Variants in RBFOX2 observed in about 807,000 individuals in gnomAD.
RBFOX2 encodes the protein RNA binding fox-1 homolog 2.
RBFOX2 carries 10 observed loss-of-function variants against 49.1 expected under a neutral mutation model. The observed-to-expected ratio is 0.20, with a 90% CI of 0.13 to 0.35. The LOEUF is 0.35. RBFOX2 is among the 10% of genes least tolerant of loss of function. The pLI is 1.00. For missense variants in RBFOX2, 323 were observed against 486.9 expected (o/e 0.66, Z 3.17); for synonymous variants, 183 against 187.4 (o/e 0.98, Z 0.19).
At chr22:35,974,013 G>A (rs1051698978) in intron 1 of RBFOX2, among the ~76,000 whole-genome samples, 1 of 152,182 alleles carries the variant, frequency 6.6e-6, no homozygotes, top group Non-Finnish European at 1.5e-5. Flanking sequence ...CTCCTGGAAC[G>A]TGGAAAGCTG....
chr22:35,966,692 C>T (rs1209025739), intron 1 of RBFOX2, among the ~76,000 whole-genome samples: 1 of 152,122 alleles, frequency 6.6e-6, no homozygotes, highest in Non-Finnish European at 1.5e-5. Context: ...ATTAAAAGAA[C>T]TTCTTTTATA....
Position 35,767,590 on chromosome 22 carries a change from A to T in RBFOX2, c.546+667T>A, listed in dbSNP as rs542025771. On this transcript the variant is annotated intron_variant, in intron 5 of 11. Transcript: ENST00000405409. The stretch of plus-strand genomic sequence containing the variant: ...GTGTTATCAAAAAGGGCTGGTGAAT[A>T]CCAGGCGGTAGACTTGGTCATAATC... Among the ~76,000 whole-genome samples, 489 of 152,354 alleles carry T rather than the reference A, an allele frequency of 3.2e-3. 3 individuals are homozygous for T. The highest frequency in any genetic ancestry group is 9.0e-3 in the African/African-American group (376 of 41,576).
chr22:35,863,457 A>C (rs1050252450), intron 1 of RBFOX2, among the ~76,000 whole-genome samples: 4 of 152,144 alleles, frequency 2.6e-5, no homozygotes, highest in African/African-American at 7.2e-5. Flanking sequence ...ATAAAAAGCT[A>C]ATCCAAAAAG....
At chr22:35,958,980 G>A (rs1266732943) in intron 1 of RBFOX2, among the ~76,000 whole-genome samples, 2 of 143,084 alleles carry the variant, frequency 1.4e-5, no homozygotes, top group African/African-American at 5.2e-5. Flanking sequence ...TATATATTGT[G>A]TAAAGCTTAG....
At chr22:35,862,900 G>T (rs879867377) in intron 1 of RBFOX2, among the ~76,000 whole-genome samples, 3 of 152,168 alleles carry the variant, frequency 2.0e-5, no homozygotes, top group Non-Finnish European at 4.4e-5. Context: ...TTAAATTATA[G>T]TTGATGTTAT....
intron 1 of RBFOX2, among the ~76,000 whole-genome samples, chr22:35,907,217 G>GCTT (rs1328759907): frequency 6.6e-6 from 1 of 152,110 alleles, no homozygotes; most frequent in Admixed American, 6.5e-5. Flanking sequence ...TACTGTACAC[G>GCTT]CTTCCCCAGA....
chr22:35,792,315 CAAAAAAAA>C, intron 2 of RBFOX2, among the ~76,000 whole-genome samples: 1 of 36,418 alleles, frequency 2.7e-5, no homozygotes, highest in Non-Finnish European at 5.5e-5. Flanking sequence ...AACTCCGTCT[CAAAAAAAA>C]AAAAAAAAAA....
rs572118413 is a variant in RBFOX2, at chr22:35,804,104, C to A, written c.252+5676G>T. On this transcript the variant is annotated intron_variant, in intron 2 of 11. Transcript: ENST00000405409. Reference sequence around the variant, plus strand: ...ACCAGCCTGGCCAACATGGTGAAACCCCATCTCTACTAAAAATACAAAAAT... The same window carrying A: ...ACCAGCCTGGCCAACATGGTGAAACACCATCTCTACTAAAAATACAAAAAT... 3.3e-5 allele frequency among the ~76,000 whole-genome samples: 5 copies of A among 152,156 alleles called. No individual in the cohort carries two copies. In the South Asian group the frequency reaches 1.0e-3, roughly 32 times the overall value.
At chr22:35,968,942 T>G (rs2056718895) in intron 1 of RBFOX2, among the ~76,000 whole-genome samples, 1 of 152,202 alleles carries the variant, frequency 6.6e-6, no homozygotes. Context: ...CGGCAATCTA[T>G]CCCTACATTC....
At chr22:35,879,873 A>T (rs1304827875) in intron 1 of RBFOX2, among the ~76,000 whole-genome samples, 1 of 152,160 alleles carries the variant, frequency 6.6e-6, no homozygotes, top group African/African-American at 2.4e-5. Flanking sequence ...CAGAGCTAGT[A>T]GGATGGGCAC....
At chr22:35,792,706 C>G (rs1461811450) in intron 2 of RBFOX2, among the ~76,000 whole-genome samples, 1 of 152,180 alleles carries the variant, frequency 6.6e-6, no homozygotes, top group East Asian at 1.9e-4. Context: ...ACAGAAGGAG[C>G]TGAGAGCTGA....
rs117661124 is a variant in RBFOX2 at position 35,755,554 on chromosome 22, C to A, written c.887+4334G>T. The stretch of plus-strand genomic sequence containing the variant: ...ATTACTACACACTCTTTGCTGGCAT[C>A]GGTTCCTTATTTGGCTATCACAAGG... On this transcript the variant is annotated intron_variant, in intron 9 of 11. Transcript: ENST00000405409. Among the ~76,000 whole-genome samples the A allele has an allele frequency of 1.3e-3, 197 of 152,192 alleles. 4 individuals are homozygous for A. In the East Asian group the frequency reaches 0.032, roughly 25 times the overall value.
At position 35,961,146 on chromosome 22, in the gene RBFOX2, T is replaced by C. The variant is rs557691668; in HGVS notation, c.42+417A>G. ...AGTGTGTTTTATTTATATACACCCA[T>C]CCATATAAAAAAAATACCATCAGCA... On this transcript the variant is annotated intron_variant, in intron 1 of 5. Coordinates refer to the RBFOX2 transcript ENST00000408983. Among the ~76,000 whole-genome samples, 15 of 152,242 alleles carry C rather than the reference T, an allele frequency of 9.9e-5. No homozygotes were observed. In the South Asian group the frequency reaches 2.3e-3, roughly 23 times the overall value.
intron 4 of RBFOX2, 35 bp from the exon 6 acceptor site, chr22:35,768,384 C>T (rs1380648269): frequency 5.2e-6 from 8 of 1,541,220 alleles, no homozygotes; most frequent in Non-Finnish European, 7.2e-6. Context: ...AAAACATGCA[C>T]ATCGTTATAT....
intron 1 of RBFOX2, among the ~76,000 whole-genome samples, chr22:35,864,523 A>G (rs1421077870): frequency 6.6e-6 from 1 of 152,220 alleles, no homozygotes; most frequent in East Asian, 1.9e-4. Flanking sequence ...GAATCAATCA[A>G]TAAAAGTTTT....
intron 6 of RBFOX2, 109 bp from the exon 8 acceptor site, chr22:35,761,577 T>A: frequency 1.8e-6 from 2 of 1,114,958 alleles, no homozygotes; most frequent in Non-Finnish European, 1.4e-6. Flanking sequence ...TTGCCTATTA[T>A]CAACTTCTCT....
chr22:35,931,681 A>C (rs1024164832), intron 1 of RBFOX2, among the ~76,000 whole-genome samples: 1 of 152,166 alleles, frequency 6.6e-6, no homozygotes, highest in Non-Finnish European at 1.5e-5. Context: ...AGGCTGAGGT[A>C]GGAGGACCAC....
rs1556519982 is a variant in RBFOX2, at chr22:35,994,413, A to ATTTATTTATTTT, written c.186+33826_186+33827insAAAATAAATAAA. On this transcript the variant is annotated intron_variant, in intron 1 of 13. Coordinates refer to the RBFOX2 transcript ENST00000438146. ...TATTTATTTATTTATTTATTTATTT[A>ATTTATTTATTTT]TTTATTTTTTGAGATAGGGTCTCAC... 616 of 149,952 alleles carry ATTTATTTATTTT rather than the reference A, an allele frequency of 4.1e-3. 3 individuals are homozygous for ATTTATTTATTTT. The highest frequency in any genetic ancestry group is 0.014 in the African/African-American group (558 of 40,758). The allele number at this position is 149,952 out of a possible 1,614,324, so 9.3% of individuals were successfully genotyped here. A position where few individuals can be genotyped will look rare whatever the true frequency, so the allele number is the denominator to read the frequency against.
intron 1 of RBFOX2, among the ~76,000 whole-genome samples, chr22:35,835,972 T>C (rs1471906540): frequency 6.6e-6 from 1 of 151,112 alleles, no homozygotes; most frequent in African/African-American, 2.4e-5. Context: ...TAAAGGAACA[T>C]AAATTCAGTC....
Sources: allele counts gnomAD v4.1 joint callset (sites outside exome capture counted in the v4.1 genomes callset), GRCh38; gene constraint gnomAD v4.1.1; transcripts MANE v1.5; gene names NCBI Gene and HGNC (gene_info 2026-07-23, HGNC 2026-07-21).